The following MSN variants were observed in gnomAD, a reference collection of about 807,000 sequenced individuals.
MSN encodes epididymis luminal protein 70.
A neutral mutation model predicts 48.0 loss-of-function variants in MSN; 2 were observed. The ratio of observed to expected loss-of-function variants is 0.04; its 90% CI spans 0.02 to 0.13. MSN has a LOEUF of 0.13. Among genes scored for constraint, MSN ranks in the 10% least tolerant of loss-of-function variants. The pLI is 1.00. For synonymous variants in MSN, 146 were observed against 166.9 expected, an observed-to-expected ratio of 0.87 and a Z score of 0.97; for missense variants, 267 against 470.1, an observed-to-expected ratio of 0.57 and a Z score of 3.99.
intron 1 of MSN, among the ~76,000 whole-genome samples, chrX:65,612,453 T>C (rs1330815542): frequency 8.9e-6 from 1 of 111,958 alleles, no homozygotes; most frequent in Non-Finnish European, 1.9e-5. Flanking sequence ...TGCTGAGCTG[T>C]AGCAATTCTC....
upstream of MSN, among the ~76,000 whole-genome samples, chrX:65,663,470 C>T (rs975187912): frequency 1.8e-5 from 2 of 110,604 alleles, no homozygotes; most frequent in Admixed American, 9.6e-5. Context: ...CAAATGCTGG[C>T]GAGGCTGTGG....
Position 65,647,230 on chromosome X carries a change from G to C in MSN, c.-22+58618G>C, listed in dbSNP as rs966817097. On this transcript the variant is annotated intron_variant, in intron 1 of 3. Transcript: ENST00000609672. ...TCTATCTCTTTTTTTTTTTTTTTTT[G>C]AGATGGAGTCTTGCACTGTCATCCA... Among the ~76,000 whole-genome samples the C allele has an allele frequency of 4.7e-3, 234 of 49,869 alleles. 3 individuals carry two copies. Among genetic ancestry groups the C allele is most frequent in the African/African-American group, 0.018 (231 of 13,050 alleles). The allele number at this position is 49,869 out of a possible 115,157, so 43.3% of individuals were successfully genotyped here.
Position 65,716,814 on chromosome X carries a change from C to A in MSN, c.13-4C>A. ...CTAACCTGCTTCCTTTGATCTCATC[C>A]TAGATCAGTGTGCGTGTGACCACCA... On this transcript the variant is annotated splice_region_variant and splice_polypyrimidine_tract_variant and intron_variant, in intron 1 of 12. Transcript: ENST00000360270. The A allele has an allele frequency of 8.3e-7, 1 of 1,206,291 alleles. No individual in the cohort carries two copies.
intron 1 of MSN, among the ~76,000 whole-genome samples, chrX:65,658,091 CT>C (rs994820041): frequency 1.8e-5 from 2 of 111,851 alleles, no homozygotes; most frequent in African/African-American, 6.5e-5. Context: ...CAGATGCTAG[CT>C]TTTTTTCCTA....
intron 1 of MSN, among the ~76,000 whole-genome samples, chrX:65,701,174 G>T (rs746655345): frequency 2.7e-5 from 3 of 111,860 alleles, no homozygotes; most frequent in Non-Finnish European, 5.6e-5. Context: ...AGAGGGCTTT[G>T]AGTGGGGCCC....
chrX:65,657,489 G>A (rs1180790120), intron 1 of MSN, among the ~76,000 whole-genome samples: 1 of 111,506 alleles, frequency 9.0e-6, no homozygotes, highest in Non-Finnish European at 1.9e-5. Context: ...GGGAGATCCT[G>A]TCTATGGAGC....
chrX:65,714,845 G>A (rs1434940317), intron 1 of MSN, among the ~76,000 whole-genome samples: 1 of 111,728 alleles, frequency 9.0e-6, no homozygotes, highest in Non-Finnish European at 1.9e-5. Flanking sequence ...TGCTTTTGTT[G>A]CAATTGCTTT....
At chrX:65,701,323 C>T (rs1234467231) in intron 1 of MSN, among the ~76,000 whole-genome samples, 4 of 111,497 alleles carry the variant, frequency 3.6e-5, no homozygotes, top group Non-Finnish European at 7.5e-5. Flanking sequence ...GTGCACTTAG[C>T]GTTCTGATTG....
chrX:65,722,273 C>A (rs1464350329), intron 2 of MSN, among the ~76,000 whole-genome samples: 10 of 110,961 alleles, frequency 9.0e-5, no homozygotes, highest in Non-Finnish European at 1.7e-4. Context: ...GCAGATGCTG[C>A]CAAATCTGTA....
intron 1 of MSN, among the ~76,000 whole-genome samples, chrX:65,660,727 C>G (rs1184304076): frequency 9.1e-6 from 1 of 110,256 alleles, no homozygotes; most frequent in Non-Finnish European, 1.9e-5. Context: ...CCACCACACC[C>G]GGCTAATTTT....
chrX:65,641,862 C>T (rs112545519), intron 1 of MSN, among the ~76,000 whole-genome samples: 19,481 of 107,719 alleles, frequency 0.18, 4,306 homozygotes, highest in African/African-American at 0.62. Flanking sequence ...TGGCCGGGCG[C>T]GGTGGCTCAT....
At chrX:65,602,479 G>A (rs1226804425) in intron 1 of MSN, among the ~76,000 whole-genome samples, 1 of 110,582 alleles carries the variant, frequency 9.0e-6, no homozygotes. Flanking sequence ...TATAATTATG[G>A]AGGAATGCTC....
intron 2 of MSN, 27 bp from the exon 3 acceptor site, chrX:65,727,787 G>T (rs754727976): frequency 1.4e-5 from 16 of 1,156,413 alleles, no homozygotes; most frequent in Non-Finnish European, 1.9e-5. Context: ...TCAATCAATG[G>T]TTGGTTGTTT....
At chrX:65,626,741 C>G (rs1317017030) in intron 1 of MSN, among the ~76,000 whole-genome samples, 1 of 111,550 alleles carries the variant, frequency 9.0e-6, no homozygotes. Flanking sequence ...TGAGACAATC[C>G]AACACTTATC....
At position 65,731,125 on chromosome X, in the gene MSN, A is replaced by T. The variant is rs1193092131; in HGVS notation, c.486A>T (p.Lys162Asn). 1.7e-6 allele frequency: 2 copies of T among 1,207,376 alleles called. No individual in the cohort carries two copies. The highest frequency in any genetic ancestry group is 1.8e-5 in the South Asian group (1 of 55,868). ...TTTCCAGAGTCCTGGAACAGCACAA[A>T]CTCAACAAGGACCAGTGGGAGGAGC... ...LLPQRVLEQH[K>N]LNKDQWEERI... is the part of the protein sequence containing the mutation. The change falls in exon 5 of 13, where the codon AAA becomes AAT. Residue 162 changes from lysine to asparagine, a missense_variant. By Grantham distance (94) the Lys-to-Asn change is moderately conservative. This residue lies in a region of MSN where 89 missense variants were observed against 151.0 expected (regional missense o/e 0.59). Coordinates refer to ENST00000360270, the MANE Select transcript of MSN (RefSeq NM_002444.3).
chrX:65,609,551 C>T (rs2070303491), intron 1 of MSN, among the ~76,000 whole-genome samples: 1 of 111,283 alleles, frequency 9.0e-6, no homozygotes, highest in Non-Finnish European at 1.9e-5. Flanking sequence ...AGAACAGAAG[C>T]CACATAGTCC....
chrX:65,665,654 T>C (rs1259156845), upstream of MSN, among the ~76,000 whole-genome samples: 2 of 111,772 alleles, frequency 1.8e-5, no homozygotes, highest in African/African-American at 3.3e-5. Context: ...TAGGCTCATC[T>C]ATTGTCCTAG....
At chrX:65,646,327 T>C (rs956975759) in intron 1 of MSN, among the ~76,000 whole-genome samples, 1 of 112,159 alleles carries the variant, frequency 8.9e-6, no homozygotes, top group Non-Finnish European at 1.9e-5. Flanking sequence ...TTTAAAGTTG[T>C]GTTTATTTAA....
Position 65,610,447 on chromosome X carries a change from A to G in MSN, c.-22+21835A>G, listed in dbSNP as rs1229536906. ...ATATATAAGAACTTCATTCCTTTTA[A>G]CAAATGAATAATATTCCATTGTATG... On this transcript the variant is annotated intron_variant, in intron 1 of 3. Coordinates refer to the MSN transcript ENST00000609672. Among the ~76,000 whole-genome samples the G allele has an allele frequency of 2.7e-5, 3 of 112,651 alleles. No homozygotes were observed. In the East Asian group the frequency reaches 8.2e-4, roughly 31 times the overall value.
Sources: gnomAD v4.1 joint callset for allele counts (sites outside exome capture counted in the v4.1 genomes callset) on GRCh38, gnomAD v4.1.1 for gene constraint, gnomAD v4.1.1 regional missense constraint, MANE v1.5 for transcripts, NCBI Gene and HGNC (gene_info 2026-07-23, HGNC 2026-07-21) for gene names.